LRRC61: variants seen among roughly 807,000 people sequenced by gnomAD.
The protein encoded by LRRC61 is leucine-rich repeat-containing protein 61.
A neutral mutation model predicts 15.1 loss-of-function variants in LRRC61; 9 were observed. The observed-to-expected ratio is 0.60, with a 90% CI of 0.36 to 1.04. LRRC61 has a LOEUF of 1.04. Ranked by LOEUF, LRRC61 falls within the 50% of genes least tolerant of loss-of-function variation. The pLI, the probability that LRRC61 is intolerant of heterozygous loss-of-function variation, is 0.01. For synonymous variants in LRRC61, 173 were observed against 158.6 expected, an observed-to-expected ratio of 1.09 and a Z score of -0.68; for missense variants, 344 against 335.6, an observed-to-expected ratio of 1.03 and a Z score of -0.20.
intron 2 of LRRC61, among the ~76,000 whole-genome samples, chr7:150,328,388 A>C (rs530887195): frequency 6.6e-6 from 1 of 152,248 alleles, no homozygotes; most frequent in East Asian, 1.9e-4. Flanking sequence ...TAAACAATAA[A>C]ACCCCAAAAA....
chr7:150,313,456 C>T, the LRRC61 span, among the ~76,000 whole-genome samples: 2 of 152,184 alleles, frequency 1.3e-5, no homozygotes, highest in African/African-American at 2.4e-5. Flanking sequence ...ATTGTGGAGA[C>T]CAAGGTTTTA....
At position 150,333,029 on chromosome 7, in the gene LRRC61, G is replaced by A. The variant is rs964433103; in HGVS notation, c.-144-3689G>A. ...TCAGGTTGCCTTGGGCAGCGTGCGT[G>A]ACTGTGCTTCCATCCTTGAGCAGTT... is the stretch of plus-strand genomic sequence containing the variant. On this transcript the variant is annotated intron_variant, in intron 2 of 2. Transcript: ENST00000359623. The surrounding 1 kb of genome is among the most constrained non-coding windows in gnomAD (Gnocchi z 4.3). Among the ~76,000 whole-genome samples the A allele has an allele frequency of 6.6e-6, 1 of 152,208 alleles. No individual in the cohort carries two copies. The highest frequency in any genetic ancestry group is 1.5e-5 in the Non-Finnish European group (1 of 68,042).
chr7:150,330,448 AGGT>A lies in LRRC61; in HGVS notation c.-145+4440_-145+4442del, dbSNP rs762863449. The A allele has an allele frequency of 2.6e-6, 2 of 777,318 alleles. No homozygotes were observed. The highest frequency in any genetic ancestry group is 2.7e-5 in the South Asian group (2 of 74,616). 48.2% of individuals were successfully genotyped at this position (777,318 alleles called of 1,614,324 possible). ...AGTGCGGCACAGGCCTCTCTGAGCCAGGTGCTGCCCCAGCTGCGCTACCTGCAC... is the reference window on the plus strand; with the variant it reads ...AGTGCGGCACAGGCCTCTCTGAGCCAGCTGCCCCAGCTGCGCTACCTGCAC... On this transcript the variant is annotated intron_variant, in intron 2 of 2. Coordinates refer to ENST00000359623, the MANE Select transcript of LRRC61 (RefSeq NM_001142928.2). This position sits in a 1 kb window ranked among gnomAD's most constrained non-coding sequence, Gnocchi z 4.6.
the LRRC61 span, among the ~76,000 whole-genome samples, chr7:150,311,880 A>G: frequency 1.3e-5 from 2 of 152,176 alleles, no homozygotes; most frequent in Non-Finnish European, 2.9e-5. Context: ...GCACATTAAC[A>G]TTTACACTGA....
the LRRC61 span, among the ~76,000 whole-genome samples, chr7:150,313,104 A>T: frequency 1.0e-3 from 152 of 152,280 alleles, no homozygotes; most frequent in Non-Finnish European, 1.8e-4. Flanking sequence ...TCTGCTAACA[A>T]TATATAACCA....
chr7:150,330,609 G>T lies in LRRC61; in HGVS notation c.-145+4599G>T, dbSNP rs549907418. 31 of 827,194 alleles carry T rather than the reference G, an allele frequency of 3.7e-5. No homozygotes were observed. In the African/African-American group the frequency reaches 4.5e-4, roughly 12 times the overall value. 51.2% of individuals were successfully genotyped at this position (827,194 alleles called of 1,614,324 possible). ...TCAGCTCAACAAGCTCTTCTACCGCGAGGAGTTTGTGCTGGCCACCTTGCT... is the reference window on the plus strand; with the variant it reads ...TCAGCTCAACAAGCTCTTCTACCGCTAGGAGTTTGTGCTGGCCACCTTGCT... On this transcript the variant is annotated intron_variant, in intron 2 of 2. Coordinates refer to ENST00000359623, the MANE Select transcript of LRRC61 (RefSeq NM_001142928.2). The surrounding 1 kb of genome is among the most constrained non-coding windows in gnomAD (Gnocchi z 4.6).
At chr7:150,321,591 T>G (rs1797519960), upstream of LRRC61, among the ~76,000 whole-genome samples, 1 of 151,982 alleles carries the variant, frequency 6.6e-6, no homozygotes, top group Non-Finnish European at 1.5e-5. Context: ...AATACAAAAA[T>G]TAGCCAGGTG....
Position 150,336,163 on chromosome 7 carries a change from T to G in LRRC61, c.-144-555T>G, listed in dbSNP as rs78772961. On this transcript the variant is annotated intron_variant, in intron 2 of 2. Coordinates refer to ENST00000359623, the MANE Select transcript of LRRC61 (RefSeq NM_001142928.2). ...AGGCCAACTTCTTATGCTCTACAGC[T>G]CCAACCAGAGGTACCAGCTGACCCA... Among the ~76,000 whole-genome samples, 1,097 of 152,280 alleles carry G rather than the reference T, an allele frequency of 7.2e-3. 8 individuals carry two copies. The highest frequency in any genetic ancestry group is 0.025 in the African/African-American group (1,051 of 41,552).
chr7:150,317,002 G>A, the LRRC61 span, among the ~76,000 whole-genome samples: 1 of 152,008 alleles, frequency 6.6e-6, no homozygotes, highest in African/African-American at 2.4e-5. Flanking sequence ...TTTCTGCTAA[G>A]CATTTTCCTT....
Position 150,333,976 on chromosome 7 carries a change from C to T in LRRC61, c.-144-2742C>T. On this transcript the variant is annotated intron_variant, in intron 2 of 2. Transcript: ENST00000359623. This position sits in a 1 kb window ranked among gnomAD's most constrained non-coding sequence, Gnocchi z 4.3. ...GACCCAGGCCTGCATCTGGTGAGGGCAGGACGGGGCCACACTGGTGCAGGG... is the reference window on the plus strand; with the variant it reads ...GACCCAGGCCTGCATCTGGTGAGGGTAGGACGGGGCCACACTGGTGCAGGG... 1 of 985,268 alleles carries T rather than the reference C, an allele frequency of 1.0e-6. No individual in the cohort carries two copies. The highest frequency in any genetic ancestry group is 5.2e-4 in the Middle Eastern group (1 of 1,914). 61.0% of individuals were successfully genotyped at this position (985,268 alleles called of 1,614,324 possible).
rs570801345 is a variant in LRRC61 at position 150,330,428 on chromosome 7, G to A, written c.-145+4418G>A. Reference sequence around the variant, plus strand: ...AGATGGTGGTCCGCGAGGCGAGTGCGGCACAGGCCTCTCTGAGCCAGGTGC... The same window carrying A: ...AGATGGTGGTCCGCGAGGCGAGTGCAGCACAGGCCTCTCTGAGCCAGGTGC... On this transcript the variant is annotated intron_variant, in intron 2 of 2. Coordinates refer to ENST00000359623, the MANE Select transcript of LRRC61 (RefSeq NM_001142928.2). The surrounding 1 kb of genome is among the most constrained non-coding windows in gnomAD (Gnocchi z 4.6). The A allele has an allele frequency of 5.0e-5, 39 of 773,598 alleles. No individual in the cohort carries two copies. The highest frequency in any genetic ancestry group is 3.1e-4 in the South Asian group (23 of 74,610). The allele number at this position is 773,598 out of a possible 1,614,324, so 47.9% of individuals were successfully genotyped here.
the LRRC61 span, among the ~76,000 whole-genome samples, chr7:150,312,866 A>T: frequency 2.0e-5 from 3 of 152,302 alleles, no homozygotes; most frequent in South Asian, 6.2e-4. Flanking sequence ...TGTGACCTGC[A>T]CATATATGTC....
At position 150,330,629 on chromosome 7, in the gene LRRC61, C is replaced by T; in HGVS notation, c.-145+4619C>T. 1.1e-6 allele frequency: 1 copy of T among 918,680 alleles called. No homozygotes were observed. Among genetic ancestry groups the T allele is most frequent in the African/African-American group, 1.6e-5 (1 of 61,718 alleles). The allele number at this position is 918,680 out of a possible 1,614,324, so 56.9% of individuals were successfully genotyped here. A position where few individuals can be genotyped will look rare whatever the true frequency, so the allele number is the denominator to read the frequency against. ...ACCGCGAGGAGTTTGTGCTGGCCAC[C>T]TTGCTGGACCCTTGCTTCAAGGGGA... On this transcript the variant is annotated intron_variant, in intron 2 of 2. Coordinates refer to ENST00000359623, the MANE Select transcript of LRRC61 (RefSeq NM_001142928.2). This position sits in a 1 kb window ranked among gnomAD's most constrained non-coding sequence, Gnocchi z 4.6.
chr7:150,332,184 C>T (rs926717215), intron 2 of LRRC61: 1 of 167,142 alleles, frequency 6.0e-6, no homozygotes, highest in Non-Finnish European at 1.5e-5. Flanking sequence ...GTAGCACACA[C>T]TCATCATGGA....
At chr7:150,323,621 G>A (rs1166477794) in intron 1 of LRRC61, 61 bp downstream of exon 1, 4 of 454,234 alleles carry the variant, frequency 8.8e-6, no homozygotes, top group Middle Eastern at 3.5e-4. Flanking sequence ...GCCCGTGCCG[G>A]CCCCGGGGGG....
the LRRC61 span, among the ~76,000 whole-genome samples, chr7:150,317,113 G>A: frequency 0.022 from 3,287 of 151,622 alleles, 117 homozygotes; most frequent in African/African-American, 0.075. Context: ...GTGCAATGGC[G>A]TGATCTCGGC....
rs1483298305 is a variant in LRRC61, at chr7:150,323,523, G to T, written c.-352G>T. The T allele has an allele frequency of 2.3e-6, 1 of 438,668 alleles. No individual in the cohort carries two copies. The highest frequency in any genetic ancestry group is 2.5e-5 in the Admixed American group (1 of 40,500). 27.2% of individuals were successfully genotyped at this position (438,668 alleles called of 1,614,324 possible). On this transcript the variant is annotated 5_prime_UTR_variant, in exon 1 of 3. Transcript: ENST00000359623. ...GGAGTTGCGCCGGACTTCCCAGCTT[G>T]GCCAGTGGCTCCGCAGGCTGCCGGC...
chr7:150,335,829 C>T lies in LRRC61; in HGVS notation c.-144-889C>T, dbSNP rs1412904511. The stretch of plus-strand genomic sequence containing the variant: ...TTGTGCCACAGTCATGCGCTGGCAC[C>T]TGGACTCACCTGGTCCTGCAGCCCC... On this transcript the variant is annotated intron_variant, in intron 2 of 2. Coordinates refer to ENST00000359623, the MANE Select transcript of LRRC61 (RefSeq NM_001142928.2). The surrounding 1 kb of genome is among the most constrained non-coding windows in gnomAD (Gnocchi z 4.3). 1.3e-5 allele frequency among the ~76,000 whole-genome samples: 2 copies of T among 152,228 alleles called. No homozygotes were observed. Among genetic ancestry groups the T allele is most frequent in the African/African-American group, 4.8e-5 (2 of 41,454 alleles).
rs974265619 is a variant in LRRC61, at chr7:150,330,302, A to G, written c.-145+4292A>G. On this transcript the variant is annotated intron_variant, in intron 2 of 2. Coordinates refer to ENST00000359623, the MANE Select transcript of LRRC61 (RefSeq NM_001142928.2). The surrounding 1 kb of genome is among the most constrained non-coding windows in gnomAD (Gnocchi z 4.6). ...TGGTGGAGCAGCAGCAGCCCCTTCA[A>G]GAGTACAAGGGCAGGCACCAGCTGG... 5.1e-5 allele frequency: 35 copies of G among 692,262 alleles called. No individual in the cohort carries two copies. The highest frequency in any genetic ancestry group is 4.2e-4 in the African/African-American group (24 of 57,148). The allele number at this position is 692,262 out of a possible 1,614,324, so 42.9% of individuals were successfully genotyped here.
Sources: allele counts gnomAD v4.1 joint callset (sites outside exome capture counted in the v4.1 genomes callset), GRCh38; gene constraint gnomAD v4.1.1; non-coding constraint Gnocchi (gnomAD v3.1); transcripts MANE v1.5; gene names NCBI Gene and HGNC (gene_info 2026-07-23, HGNC 2026-07-21).